ADD3: variants seen among roughly 807,000 people sequenced by gnomAD.
ADD3 encodes the protein gamma-adducin.
In ADD3, 25 loss-of-function variants were observed where a neutral mutation model predicts 80.2. That is an observed-to-expected ratio of 0.31 (90% confidence interval 0.23 to 0.44). ADD3 has a LOEUF of 0.44. Among genes scored for constraint, ADD3 ranks in the 20% least tolerant of loss-of-function variants. The pLI is 1.00. For synonymous variants in ADD3, 284 were observed against 289.6 expected (o/e 0.98, Z 0.20); for missense variants, 829 against 847.5 (o/e 0.98, Z 0.27).
intron 1 of ADD3, among the ~76,000 whole-genome samples, chr10:110,029,753 G>A (rs1381750825): frequency 3.9e-5 from 6 of 152,164 alleles, no homozygotes; most frequent in South Asian, 2.1e-4. Context: ...CAAACCATAT[G>A]ACAAGACTTT....
intron 1 of ADD3, among the ~76,000 whole-genome samples, chr10:110,079,451 A>AGT (rs1220815116): frequency 5.3e-5 from 7 of 132,776 alleles, no homozygotes; most frequent in African/African-American, 9.8e-5. Context: ...AGAGAGAGAG[A>AGT]GAGAGAGAGA....
intron 3 of ADD3, among the ~76,000 whole-genome samples, chr10:110,115,022 T>G (rs889654468): frequency 1.6e-4 from 23 of 143,328 alleles, no homozygotes; most frequent in African/African-American, 5.6e-4. Flanking sequence ...GAGGCTGCAG[T>G]GAGCCATGAT....
rs1364928696 is a variant in ADD3 at position 110,019,780 on chromosome 10, G to A, written c.-30+11481G>A. Among the ~76,000 whole-genome samples the A allele has an allele frequency of 2.0e-5, 3 of 152,178 alleles. No homozygotes were observed. The East Asian group carries it at 5.8e-4, about 29-fold the overall frequency. On this transcript the variant is annotated intron_variant, in intron 1 of 14. Transcript: ENST00000356080. The stretch of plus-strand genomic sequence containing the variant: ...ATTCACCAGTTTGTAGGTTTACTTG[G>A]AGAGTGGCCAAGAAACCTATGATTG...
At chr10:110,038,658 T>A (rs971817257) in intron 1 of ADD3, among the ~76,000 whole-genome samples, 2 of 152,208 alleles carry the variant, frequency 1.3e-5, no homozygotes, top group Non-Finnish European at 2.9e-5. Context: ...CATATACATA[T>A]ATATGTTAAA....
At chr10:110,110,479 A>G (rs950759168) in intron 2 of ADD3, among the ~76,000 whole-genome samples, 1 of 152,180 alleles carries the variant, frequency 6.6e-6, no homozygotes, top group Non-Finnish European at 1.5e-5. Context: ...ACCACAGTGC[A>G]TCAGGGAGGG....
At chr10:109,997,819 G>C (rs1664128815) in intron 1 of ADD3, among the ~76,000 whole-genome samples, 1 of 152,232 alleles carries the variant, frequency 6.6e-6, no homozygotes, top group African/African-American at 2.4e-5. Flanking sequence ...TAAATGTGCA[G>C]CTTCCAGAGT....
intron 1 of ADD3, among the ~76,000 whole-genome samples, chr10:110,058,051 A>G (rs1454253300): frequency 1.3e-5 from 2 of 152,202 alleles, no homozygotes; most frequent in Non-Finnish European, 2.9e-5. Context: ...CACTGAAGCT[A>G]ACTCTTACCA....
At chr10:110,014,468 A>G (rs777679876) in intron 1 of ADD3, among the ~76,000 whole-genome samples, 11 of 152,192 alleles carry the variant, frequency 7.2e-5, no homozygotes, top group Non-Finnish European at 4.4e-5. Context: ...TCCACAGCCA[A>G]CTTTTTAAAG....
At chr10:110,087,059 C>G (rs748292261) in intron 1 of ADD3, among the ~76,000 whole-genome samples, 1 of 151,888 alleles carries the variant, frequency 6.6e-6, no homozygotes, top group Non-Finnish European at 1.5e-5. Flanking sequence ...CTGAGTCTGG[C>G]TTTGTCACCC....
intron 2 of ADD3, among the ~76,000 whole-genome samples, chr10:110,102,666 TGAAAGAATGAAGTGAA>T (rs1429582283): frequency 6.6e-6 from 1 of 152,184 alleles, no homozygotes; most frequent in Non-Finnish European, 1.5e-5. Flanking sequence ...TATTAGTAAC[TGAAAGAATGAAGTGAA>T]GTTTCAATTT....
At position 110,100,722 on chromosome 10, in the gene ADD3, A is replaced by G. The variant is rs962525828; in HGVS notation, c.69A>G (p.Arg23=). Reference sequence around the variant, plus strand: ...CTCCCAGCATGCCTCACAAAGAGAGATATTTTGACCGCATCAATGAAAATG... The same window carrying G: ...CTCCCAGCATGCCTCACAAAGAGAGGTATTTTGACCGCATCAATGAAAATG... The part of the protein sequence containing the change: ...PPPPSMPHKE[R]YFDRINENDP... The change falls in exon 2 of 15, where the codon AGA becomes AGG. Residue 23 remains arginine, a synonymous_variant. Transcript: ENST00000356080. 2 of 1,614,034 alleles carry G rather than the reference A, an allele frequency of 1.2e-6. No homozygotes were observed. The highest frequency in any genetic ancestry group is 1.7e-5 in the Admixed American group (1 of 59,996).
intron 1 of ADD3, among the ~76,000 whole-genome samples, chr10:110,041,806 T>C (rs1368565713): frequency 6.6e-6 from 1 of 152,188 alleles, no homozygotes; most frequent in Non-Finnish European, 1.5e-5. Context: ...TGACAGCTGA[T>C]AGGCATGTAG....
chr10:110,003,016 G>T (rs552066254), upstream of ADD3, among the ~76,000 whole-genome samples: 43 of 152,266 alleles, frequency 2.8e-4, no homozygotes, highest in African/African-American at 1.0e-3. Flanking sequence ...GACTGGCTTG[G>T]CATAAAAGGG....
intron 1 of ADD3, among the ~76,000 whole-genome samples, chr10:110,011,462 A>G (rs1000604269): frequency 6.6e-6 from 1 of 152,232 alleles, no homozygotes; most frequent in Non-Finnish European, 1.5e-5. Flanking sequence ...TTGACAACTT[A>G]GTGCAATGTA....
intron 1 of ADD3, among the ~76,000 whole-genome samples, chr10:110,026,375 G>A (rs983224153): frequency 8.1e-5 from 12 of 148,608 alleles, no homozygotes; most frequent in African/African-American, 1.5e-4. Flanking sequence ...TCAGCCTCCC[G>A]GTTCAAGCAA....
At chr10:110,067,539 T>G (rs1481707335) in intron 1 of ADD3, among the ~76,000 whole-genome samples, 1 of 152,136 alleles carries the variant, frequency 6.6e-6, no homozygotes, top group Non-Finnish European at 1.5e-5. Flanking sequence ...CCCACAGGAG[T>G]CACAGTATTG....
intron 1 of ADD3, among the ~76,000 whole-genome samples, chr10:110,045,697 A>G (rs1443837371): frequency 6.6e-6 from 1 of 152,246 alleles, no homozygotes; most frequent in Non-Finnish European, 1.5e-5. Flanking sequence ...ACACATATCT[A>G]TTATAAAAAG....
chr10:110,043,389 C>T (rs1238091830), intron 1 of ADD3, among the ~76,000 whole-genome samples: 2 of 152,014 alleles, frequency 1.3e-5, no homozygotes, highest in African/African-American at 2.4e-5. Flanking sequence ...ATCTTTACTA[C>T]GAAAGTTGCA....
At chr10:110,072,727 C>T (rs1358940962) in intron 1 of ADD3, among the ~76,000 whole-genome samples, 1 of 152,144 alleles carries the variant, frequency 6.6e-6, no homozygotes, top group Non-Finnish European at 1.5e-5. Context: ...GCATTTTTAT[C>T]AAGGAGTTAT....
Sources: allele counts gnomAD v4.1 joint callset (sites outside exome capture counted in the v4.1 genomes callset), GRCh38; gene constraint gnomAD v4.1.1; transcripts MANE v1.5; gene names NCBI Gene and HGNC (gene_info 2026-07-23, HGNC 2026-07-21).